The following CEP63 variants were observed in gnomAD, a reference collection of about 807,000 sequenced individuals.
CEP63 encodes centrosomal protein of 63 kDa.
CEP63 carries 84 observed loss-of-function variants against 89.1 expected under a neutral mutation model. The ratio of observed to expected loss-of-function variants is 0.94; its 90% confidence interval spans 0.79 to 1.13. CEP63 has a LOEUF of 1.13. Ranked by LOEUF, CEP63 falls within the 50% of genes most tolerant of loss-of-function variation. The pLI is 0.00. For synonymous variants in CEP63, 267 were observed against 272.5 expected (o/e 0.98, Z 0.20); for missense variants, 838 against 813.3 (o/e 1.03, Z -0.37).
chr3:134,595,160 G>A, the CEP63 span, among the ~76,000 whole-genome samples: 3 of 152,184 alleles, frequency 2.0e-5, no homozygotes, highest in African/African-American at 7.2e-5. Flanking sequence ...CAAGTGGGAG[G>A]TAATTTAATC....
intron 3 of CEP63, among the ~76,000 whole-genome samples, chr3:134,529,350 T>TC (rs1949391635): frequency 6.8e-6 from 1 of 147,760 alleles, no homozygotes; most frequent in African/African-American, 2.5e-5. Flanking sequence ...TTTTTTTTTT[T>TC]TTTTTTTTGA....
intron 12 of CEP63, among the ~76,000 whole-genome samples, chr3:134,556,396 G>A (rs1248955611): frequency 6.6e-6 from 1 of 151,994 alleles, no homozygotes; most frequent in Non-Finnish European, 1.5e-5. Context: ...AAACCCACGA[G>A]GTTGGGAATA....
chr3:134,712,823 C>T, the CEP63 span, among the ~76,000 whole-genome samples: 2 of 152,248 alleles, frequency 1.3e-5, no homozygotes, highest in East Asian at 3.9e-4. Context: ...GGGCAGTTTT[C>T]CAGAGAATAC....
the CEP63 span, among the ~76,000 whole-genome samples, chr3:134,751,727 C>T: frequency 3.3e-5 from 5 of 152,104 alleles, no homozygotes; most frequent in South Asian, 6.2e-4. Context: ...GGCTAGAGAC[C>T]GAAGTGGCTC....
chr3:134,671,246 A>T, the CEP63 span, among the ~76,000 whole-genome samples: 1 of 152,230 alleles, frequency 6.6e-6, no homozygotes, highest in African/African-American at 2.4e-5. Context: ...AGAAAAGCAA[A>T]TACTGCATAT....
chr3:134,550,051 GCTT>G lies in CEP63; in HGVS notation c.1183-8_1183-6del. 6.2e-7 allele frequency: 1 copy of G among 1,600,436 alleles called. No individual in the cohort carries two copies. Among genetic ancestry groups the G allele is most frequent in the East Asian group, 2.2e-5 (1 of 44,770 alleles). ...CTTAACTTTTGGTGCTTTCTTTTCT[GCTT>G]CTTTATAGTTGAAAGAACAGATTTT... is the stretch of plus-strand genomic sequence containing the variant. On this transcript the variant is annotated splice_polypyrimidine_tract_variant and intron_variant, in intron 10 of 14. Transcript: ENST00000675561.
At position 134,495,055 on chromosome 3, in the gene CEP63, T is replaced by G. The variant is rs6804907; in HGVS notation, c.-25-241T>G. On this transcript the variant is annotated intron_variant, in intron 1 of 14. Transcript: ENST00000675561. ...GCAAAGAACAATGAGATATTTGATA[T>G]TTACACGGAGAGAGTGTCAACCGCA... is the stretch of plus-strand genomic sequence containing the variant. 0.95 allele frequency among the ~76,000 whole-genome samples: 144,819 copies of G among 152,274 alleles called. 68,952 individuals are homozygous for G. The highest frequency in any genetic ancestry group is 0.98 in the African/African-American group (40,559 of 41,542).
the CEP63 span, among the ~76,000 whole-genome samples, chr3:134,599,839 T>G: frequency 6.6e-6 from 1 of 152,242 alleles, no homozygotes; most frequent in Admixed American, 6.5e-5. Context: ...TAGGGCTTCC[T>G]TTGAACATGA....
chr3:134,680,338 A>G, the CEP63 span, among the ~76,000 whole-genome samples: 91 of 152,348 alleles, frequency 6.0e-4, 1 homozygote, highest in African/African-American at 2.0e-3. Flanking sequence ...TCCTAGTCTT[A>G]TGACCACTGT....
chr3:134,604,509 T>G, the CEP63 span: 1 of 1,552,272 alleles, frequency 6.4e-7, no homozygotes, highest in Non-Finnish European at 8.8e-7. Flanking sequence ...CAGAGATGGG[T>G]CCAGCACGTG....
chr3:134,533,687 A>G (rs1171395643), intron 5 of CEP63, among the ~76,000 whole-genome samples: 1 of 152,148 alleles, frequency 6.6e-6, no homozygotes, highest in Non-Finnish European at 1.5e-5. Context: ...GCTCTCAGAA[A>G]TGCTGATCCA....
chr3:134,667,118 A>ATCTTTTTCCATGG, the CEP63 span, among the ~76,000 whole-genome samples: 1 of 152,166 alleles, frequency 6.6e-6, no homozygotes, highest in East Asian at 1.9e-4. Context: ...ATTCATCACC[A>ATCTTTTTCCATGG]TCTTTTTCCA....
downstream of CEP63, among the ~76,000 whole-genome samples, chr3:134,565,210 C>A (rs181821385): frequency 5.9e-5 from 9 of 152,128 alleles, no homozygotes; most frequent in Non-Finnish European, 1.2e-4. Context: ...TGGATTCCTA[C>A]GCAGATTTTA....
the CEP63 span, among the ~76,000 whole-genome samples, chr3:134,757,437 A>G: frequency 1.3e-5 from 2 of 152,216 alleles, no homozygotes; most frequent in East Asian, 3.8e-4. Flanking sequence ...GCTAAAACTC[A>G]GAACTCTGGA....
Position 134,549,059 on chromosome 3 carries a change from C to A in CEP63, c.1068-3C>A. 6.3e-7 allele frequency: 1 copy of A among 1,592,482 alleles called. No individual in the cohort carries two copies. The highest frequency in any genetic ancestry group is 8.6e-7 in the Non-Finnish European group (1 of 1,160,466). Reference sequence around the variant, plus strand: ...AGTATGGGATCTTATTTTTGTCATACAGTTTGGAATCTGTGAGTGCAACGT... The same window carrying A: ...AGTATGGGATCTTATTTTTGTCATAAAGTTTGGAATCTGTGAGTGCAACGT... On this transcript the variant is annotated splice_polypyrimidine_tract_variant and splice_region_variant and intron_variant, in intron 9 of 14. Coordinates refer to ENST00000675561, the MANE Select transcript of CEP63 (RefSeq NM_001353108.3).
the CEP63 span, chr3:134,607,139 C>T: frequency 3.3e-4 from 321 of 985,432 alleles, 4 homozygotes; most frequent in East Asian, 0.03. Flanking sequence ...CAGTTCTTTC[C>T]GATATTTCCA....
intron 3 of CEP63, among the ~76,000 whole-genome samples, chr3:134,513,649 A>G (rs1187743956): frequency 1.3e-5 from 2 of 152,014 alleles, no homozygotes; most frequent in Non-Finnish European, 2.9e-5. Flanking sequence ...GTTTTTGATA[A>G]CTTTAAGGGG....
chr3:134,549,913 G>T (rs1262687384), intron 10 of CEP63, 150 bp from the exon 11 acceptor site: 2 of 673,984 alleles, frequency 3.0e-6, no homozygotes, highest in Admixed American at 4.9e-5. Context: ...TATGCAACTT[G>T]GTAAATTGCT....
the CEP63 span, chr3:134,597,850 T>A: frequency 6.6e-6 from 1 of 152,244 alleles, no homozygotes; most frequent in Non-Finnish European, 1.5e-5. Flanking sequence ...TCAGCATCTG[T>A]TCTCCTGGGA....
Sources: allele counts gnomAD v4.1 joint callset (sites outside exome capture counted in the v4.1 genomes callset), GRCh38; gene constraint gnomAD v4.1.1; transcripts MANE v1.5; gene names NCBI Gene and HGNC (gene_info 2026-07-23, HGNC 2026-07-21).